The following KCNQ1 variants were observed in gnomAD, a reference collection of about 807,000 sequenced individuals.
The protein encoded by KCNQ1 is potassium voltage-gated channel subfamily Q member 1.
KCNQ1 carries 49 observed loss-of-function variants against 72.4 expected under a neutral mutation model. The ratio of observed to expected loss-of-function variants is 0.68; its 90% CI spans 0.54 to 0.86. The LOEUF (loss-of-function observed/expected upper bound fraction) is 0.86, where lower values mean the gene tolerates loss of function less well. Among genes scored for constraint, KCNQ1 ranks in the 40% least tolerant of loss-of-function variants. KCNQ1 has a pLI of 0.00. For synonymous variants in KCNQ1, 450 were observed against 412.6 expected (o/e 1.09, Z -1.10); for missense variants, 790 against 945.1 (o/e 0.84, Z 2.15).
At chr11:2,753,650 A>G (rs999834338) in intron 11 of KCNQ1, among the ~76,000 whole-genome samples, 1 of 152,174 alleles carries the variant, frequency 6.6e-6, no homozygotes, top group Non-Finnish European at 1.5e-5. Flanking sequence ...ACTTTAGAGC[A>G]TTTTCATCAC....
Position 2,613,523 on chromosome 11 carries a change from G to A in KCNQ1, c.1393+24669G>A, listed in dbSNP as rs1479849819. The A allele has an allele frequency of 1.3e-5, 5 of 398,354 alleles. No homozygotes were observed. Among genetic ancestry groups the A allele is most frequent in the Non-Finnish European group, 2.2e-5 (5 of 226,046 alleles). 24.7% of individuals were successfully genotyped at this position (398,354 alleles called of 1,614,324 possible). ...CCTGAGCTTGGGTGGGGAGATGGCA[G>A]CCCCACGTTAAATCATAACCCTGCT... On this transcript the variant is annotated intron_variant, in intron 10 of 15. Coordinates refer to ENST00000155840, the MANE Select transcript of KCNQ1 (RefSeq NM_000218.3). The surrounding 1 kb of genome is among the most constrained non-coding windows in gnomAD (Gnocchi z 4.8).
At chr11:2,665,624 G>T (rs868319303) in intron 11 of KCNQ1, 39 of 397,588 alleles carry the variant, frequency 9.8e-5, no homozygotes, top group South Asian at 6.5e-4. Context: ...CTGTACGGCT[G>T]TGTCCTCCTT....
intron 10 of KCNQ1, chr11:2,630,926 GT>G (rs1589992183): frequency 2.5e-6 from 1 of 398,508 alleles, no homozygotes; most frequent in East Asian, 3.6e-5. Context: ...GGCCTGGAAA[GT>G]TTTTGCTCAG....
At chr11:2,665,777 A>G (rs1305617170) in intron 11 of KCNQ1, 15 of 398,154 alleles carry the variant, frequency 3.8e-5, no homozygotes, top group Non-Finnish European at 6.6e-5. Context: ...ATTGCTGCTC[A>G]CTCAACCCTG....
rs780580335 is a variant in KCNQ1, at chr11:2,686,037, C to T, written c.1514+23956C>T. On this transcript the variant is annotated intron_variant, in intron 11 of 15. Coordinates refer to ENST00000155840, the MANE Select transcript of KCNQ1 (RefSeq NM_000218.3). ...GGGCTCACTCTAAGCCCCGCCAGCT[C>T]GCACCATCTGATGGGGCAGGGGCAG... The T allele has an allele frequency of 1.8e-4, 73 of 399,388 alleles. No homozygotes were observed. In the Middle Eastern group the frequency reaches 0.011, roughly 58 times the overall value. 24.7% of individuals were successfully genotyped at this position (399,388 alleles called of 1,614,324 possible).
intron 2 of KCNQ1, among the ~76,000 whole-genome samples, chr11:2,561,208 A>AAAAAAAAG (rs60812868): frequency 0.087 from 12,779 of 147,396 alleles, 668 homozygotes; most frequent in East Asian, 0.2. Flanking sequence ...CTCAAAAAAA[A>AAAAAAAAG]AAAAAAAGAA....
intron 6 of KCNQ1, among the ~76,000 whole-genome samples, chr11:2,580,232 T>C (rs1198865359): frequency 1.3e-5 from 2 of 151,630 alleles, no homozygotes; most frequent in African/African-American, 4.8e-5. Flanking sequence ...CCTCTCAGCC[T>C]ATCTTGGGTT....
Position 2,478,681 on chromosome 11 carries a change from A to G in KCNQ1, c.386+33197A>G, listed in dbSNP as rs1846609503. Among the ~76,000 whole-genome samples, 1 of 152,282 alleles carries G rather than the reference A, an allele frequency of 6.6e-6. No individual in the cohort carries two copies. Among genetic ancestry groups the G allele is most frequent in the South Asian group, 2.1e-4 (1 of 4,828 alleles). ...TTCACGATGAGATTTGGGTGGGGAC[A>G]CAGCCAAACCATATCATTCCACCCC... On this transcript the variant is annotated intron_variant, in intron 1 of 15. Coordinates refer to ENST00000155840, the MANE Select transcript of KCNQ1 (RefSeq NM_000218.3). This position sits in a 1 kb window ranked among gnomAD's most constrained non-coding sequence, Gnocchi z 4.0.
At position 2,827,629 on chromosome 11, in the gene KCNQ1, A is replaced by G. The variant is rs1460566965; in HGVS notation, c.1795-20138A>G. Among the ~76,000 whole-genome samples the G allele has an allele frequency of 3.3e-5, 5 of 151,670 alleles. No individual in the cohort carries two copies. Among genetic ancestry groups the G allele is most frequent in the Non-Finnish European group, 5.9e-5 (4 of 67,882 alleles). On this transcript the variant is annotated intron_variant, in intron 15 of 15. Transcript: ENST00000155840. This position sits in a 1 kb window ranked among gnomAD's most constrained non-coding sequence, Gnocchi z 6.7. ...ATTCAGGGTTCTGTTGATTAAAAAA[A>G]AAAAGTGGGGTCGGGGGGGCGGGGG...
rs185453082 is a variant in KCNQ1 at position 2,451,748 on chromosome 11, C to A, written c.386+6264C>A. Among the ~76,000 whole-genome samples, 139 of 152,282 alleles carry A rather than the reference C, an allele frequency of 9.1e-4. No homozygotes were observed. The highest frequency in any genetic ancestry group is 3.2e-3 in the African/African-American group (133 of 41,564). On this transcript the variant is annotated intron_variant, in intron 1 of 15. Coordinates refer to ENST00000155840, the MANE Select transcript of KCNQ1 (RefSeq NM_000218.3). The surrounding 1 kb of genome is among the most constrained non-coding windows in gnomAD (Gnocchi z 6.4). ...CCCGCTCTGGGACCTGGGGCCTGGG[C>A]TCTGCTCCCCATTTCGCTCCTCCAC...
chr11:2,571,195 TC>T, intron 3 of KCNQ1, 129 bp from the exon 4 acceptor site: 1 of 773,154 alleles, frequency 1.3e-6, no homozygotes, highest in African/African-American at 1.7e-5. Context: ...TGTCTCCATG[TC>T]CCCGGTCATC....
At position 2,559,784 on chromosome 11, in the gene KCNQ1, G is replaced by A. The variant is rs987344405; in HGVS notation, c.478-10844G>A. On this transcript the variant is annotated intron_variant, in intron 2 of 15. Coordinates refer to ENST00000155840, the MANE Select transcript of KCNQ1 (RefSeq NM_000218.3). This position sits in a 1 kb window ranked among gnomAD's most constrained non-coding sequence, Gnocchi z 4.9. The stretch of plus-strand genomic sequence containing the variant: ...GCAGCTCTGAAGGTCAGAGATGGCC[G>A]CCAGCTGTGGGAAGGCCTGTGGCTA... 2.6e-5 allele frequency among the ~76,000 whole-genome samples: 4 copies of A among 152,102 alleles called. No individual in the cohort carries two copies. The highest frequency in any genetic ancestry group is 5.9e-5 in the Non-Finnish European group (4 of 68,020).
intron 6 of KCNQ1, among the ~76,000 whole-genome samples, chr11:2,580,512 C>T (rs1167155364): frequency 6.6e-6 from 1 of 152,212 alleles, no homozygotes; most frequent in Non-Finnish European, 1.5e-5. Flanking sequence ...CCTGGCTCCC[C>T]AGAGGACGGG....
intron 11 of KCNQ1, chr11:2,696,475 G>T: frequency 2.5e-6 from 1 of 398,630 alleles, no homozygotes; most frequent in South Asian, 1.3e-4. Flanking sequence ...TGCTGAAGTT[G>T]GCGTGTGCCC....
At chr11:2,472,753 AG>A (rs1275742105) in intron 1 of KCNQ1, among the ~76,000 whole-genome samples, 1 of 152,002 alleles carries the variant, frequency 6.6e-6, no homozygotes, top group Non-Finnish European at 1.5e-5. Context: ...TTCCCTGTCT[AG>A]GGGTACCCAG....
At chr11:2,688,334 A>G (rs1303383522) in intron 11 of KCNQ1, 2 of 398,758 alleles carry the variant, frequency 5.0e-6, no homozygotes, top group South Asian at 1.3e-4. Flanking sequence ...CACAGCTTCC[A>G]TGGGGGTCTT....
At chr11:2,685,071 T>C (rs999086743) in intron 11 of KCNQ1, 4 of 398,630 alleles carry the variant, frequency 1.0e-5, no homozygotes, top group Non-Finnish European at 1.8e-5. Flanking sequence ...GGACAGCCTG[T>C]GAGAATTACA....
In KCNQ1 at chr11:2,725,546, A is replaced by T. The variant is rs889335962; in HGVS notation, c.1515-43298A>T. ...TAGCTGTGGTTTAGGAAGTGCATTC[A>T]CGTGAAGTCGCCAAGTTCAAAGGGC... is the stretch of plus-strand genomic sequence containing the variant. On this transcript the variant is annotated intron_variant, in intron 11 of 15. Transcript: ENST00000155840. This position sits in a 1 kb window ranked among gnomAD's most constrained non-coding sequence, Gnocchi z 7.2. Among the ~76,000 whole-genome samples, 8 of 152,164 alleles carry T rather than the reference A, an allele frequency of 5.3e-5. No individual in the cohort carries two copies. The highest frequency in any genetic ancestry group is 1.2e-4 in the Non-Finnish European group (8 of 68,016).
At chr11:2,616,819 A>G (rs1849073203) in intron 10 of KCNQ1, 2 of 398,112 alleles carry the variant, frequency 5.0e-6, no homozygotes, top group Non-Finnish European at 8.9e-6. Flanking sequence ...CATCCCTCCT[A>G]GGGAATGTTC....
Sources: gnomAD v4.1 joint callset for allele counts (sites outside exome capture counted in the v4.1 genomes callset) on GRCh38, gnomAD v4.1.1 for gene constraint, Gnocchi (gnomAD v3.1) non-coding constraint, MANE v1.5 for transcripts, NCBI Gene and HGNC (gene_info 2026-07-23, HGNC 2026-07-21) for gene names.